The following SRRM2 variants were observed in gnomAD, a reference collection of about 807,000 sequenced individuals.
SRRM2 encodes serine/arginine repetitive matrix protein 2.
Under a neutral mutation model 213.8 loss-of-function variants are expected in SRRM2, and 30 were observed. That is an observed-to-expected ratio of 0.14 (90% confidence interval 0.10 to 0.19). SRRM2 has a LOEUF of 0.19. Among genes scored for constraint, SRRM2 ranks in the 10% least tolerant of loss-of-function variants. The probability of loss-of-function intolerance (pLI) is 1.00; values close to 1 mark genes in which losing one functional copy is unlikely to be tolerated. For synonymous variants in SRRM2, 2,025 were observed against 1,377.7 expected (o/e 1.47, Z -10.40); for missense variants, 4,904 against 3,647.0 (o/e 1.34, Z -8.88).
Position 2,766,035 on chromosome 16 carries a change from G to T in SRRM2, c.5507G>T (p.Arg1836Leu). 2 of 1,613,920 alleles carry T rather than the reference G, an allele frequency of 1.2e-6. No homozygotes were observed. Among genetic ancestry groups the T allele is most frequent in the Non-Finnish European group, 1.7e-6 (2 of 1,179,990 alleles). Reference protein sequence around the residue: ...ARQESSRTSSRRRRGRSRTPP... With the variant: ...ARQESSRTSSLRRRGRSRTPP... ...CAGGAAAGTTCCCGGACCTCCTCTC[G>T]ACGCCGAAGAGGCCGCTCTCGGACA... is the stretch of plus-strand genomic sequence containing the variant. The change falls in exon 11 of 15, where the codon CGA becomes CTA. Residue 1836 changes from arginine (R) to leucine (L), a missense_variant. Arg to Leu is a moderately radical substitution (Grantham distance 102). Transcript: ENST00000301740. The surrounding 1 kb of genome is among the most constrained non-coding windows in gnomAD (Gnocchi z 7.0).
chr16:2,769,595 G>GCCA, intron 12 of SRRM2: 1 of 630,940 alleles, frequency 1.6e-6, no homozygotes, highest in Non-Finnish European at 3.0e-6. Context: ...CTCTGGTCTG[G>GCCA]CCACCATCAT....
chr16:2,752,783 G>C lies in SRRM2; in HGVS notation c.-95G>C. 1 of 348,440 alleles carries C rather than the reference G, an allele frequency of 2.9e-6. No homozygotes were observed. The highest frequency in any genetic ancestry group is 5.8e-6 in the Non-Finnish European group (1 of 172,950). 21.6% of individuals were successfully genotyped at this position (348,440 alleles called of 1,614,324 possible). A position where few individuals can be genotyped will look rare whatever the true frequency, so the allele number is the denominator to read the frequency against. ...CGGCGGCCCCAGGCCCGAGGGACTC[G>C]GGAGCTCGAGCAGCGGCGGCGGCAA... On this transcript the variant is annotated 5_prime_UTR_variant, in exon 1 of 15. Coordinates refer to ENST00000301740, the MANE Select transcript of SRRM2 (RefSeq NM_016333.4).
chr16:2,757,607 T>G, intron 3 of SRRM2, 28 bp downstream of exon 3: 1 of 1,601,438 alleles, frequency 6.2e-7, no homozygotes, highest in South Asian at 1.1e-5. Context: ...CCTCGATGAC[T>G]CTGGACTCTA....
intron 10 of SRRM2, among the ~76,000 whole-genome samples, 153 bp from the exon 11 acceptor site, chr16:2,761,406 TTA>T (rs1483960098): frequency 6.6e-6 from 1 of 152,238 alleles, no homozygotes; most frequent in African/African-American, 2.4e-5. Context: ...CCACTGTGCT[TTA>T]TATGATTCCT....
At position 2,764,636 on chromosome 16, in the gene SRRM2, G is replaced by A; in HGVS notation, c.4108G>A (p.Asp1370Asn). Residue 1370 changes from aspartate (D) to asparagine (N), a missense_variant, in exon 11 of 15, where the codon GAC (aspartate) becomes AAC (asparagine). By Grantham distance (23) the Asp-to-Asn change is conservative (BLOSUM62 1). Coordinates refer to ENST00000301740, the MANE Select transcript of SRRM2 (RefSeq NM_016333.4). ...TCAGCTGGAAACAGATCCATCTCTAGACATGAAAGAACAATCGACAAGATC... is the reference window on the plus strand; with the variant it reads ...TCAGCTGGAAACAGATCCATCTCTAAACATGAAAGAACAATCGACAAGATC... The part of the protein sequence containing the change: ...LNQLETDPSL[D>N]MKEQSTRSSG... 2.5e-6 allele frequency: 4 copies of A among 1,614,210 alleles called. No homozygotes were observed. Among genetic ancestry groups the A allele is most frequent in the Non-Finnish European group, 3.4e-6 (4 of 1,180,050 alleles).
At chr16:2,754,731 G>A (rs1348152191) in intron 1 of SRRM2, among the ~76,000 whole-genome samples, 2 of 152,186 alleles carry the variant, frequency 1.3e-5, no homozygotes, top group Admixed American at 6.5e-5. Context: ...GGGGAGAGGC[G>A]AAGAAGGACC....
Position 2,767,732 on chromosome 16 carries a change from C to A in SRRM2, c.7204C>A (p.Leu2402Ile), listed in dbSNP as rs754776293. The A allele has an allele frequency of 6.2e-7, 1 of 1,613,864 alleles. No homozygotes were observed. ...CAGTGGCAGAACCTCACCACCGCTC[C>A]TTGACCGAGCTAGGTCCAGAACACC... ...RVSGRTSPPL[L>I]DRARSRTPPS... The change falls in exon 11 of 15, where the codon CTT becomes ATT. Residue 2402 changes from leucine (L) to isoleucine (I), a missense_variant. Transcript: ENST00000301740.
intron 2 of SRRM2, 76 bp from the exon 3 acceptor site, chr16:2,757,396 G>A: frequency 7.2e-7 from 1 of 1,390,766 alleles, no homozygotes; most frequent in East Asian, 2.3e-5. Flanking sequence ...GCCCCTTTTG[G>A]GAATGAGGGA....
intron 1 of SRRM2, among the ~76,000 whole-genome samples, chr16:2,754,045 T>C (rs1187449470): frequency 6.6e-6 from 1 of 152,348 alleles, no homozygotes; most frequent in Middle Eastern, 3.4e-3. Flanking sequence ...TACTTTTTAC[T>C]TTCTGCTTTT....
chr16:2,768,764 T>G, intron 11 of SRRM2: 6 of 794,894 alleles, frequency 7.5e-6, no homozygotes, highest in Non-Finnish European at 1.3e-5. Context: ...GGGACATTCT[T>G]GAGGTTTAAC....
Position 2,762,988 on chromosome 16 carries a change from T to A in SRRM2, c.2460T>A (p.Ser820=). ...TPPRRSRSSS[S]PPPKQKSKTP... is the part of the protein sequence containing the mutation. ...CCAGACGCAGTCGCTCCAGTTCTTC[T>A]CCGCCACCTAAACAGAAATCTAAGA... The change falls in exon 11 of 15, where the codon TCT becomes TCA. Residue 820 remains serine (S), a synonymous_variant. Coordinates refer to ENST00000301740, the MANE Select transcript of SRRM2 (RefSeq NM_016333.4). The A allele has an allele frequency of 6.2e-7, 1 of 1,614,058 alleles. No individual in the cohort carries two copies. Among genetic ancestry groups the A allele is most frequent in the African/African-American group, 1.3e-5 (1 of 74,982 alleles).
Position 2,757,476 on chromosome 16 carries a change from G to A in SRRM2, c.247G>A (p.Glu83Lys), listed in dbSNP as rs766643583. The change falls in exon 3 of 15, where the codon GAG (glutamate) becomes AAG (lysine). Residue 83 changes from glutamate to lysine, a missense_variant. Physicochemically the swap from Glu to Lys is moderately conservative, Grantham distance 56 (BLOSUM62 1). Coordinates refer to ENST00000301740, the MANE Select transcript of SRRM2 (RefSeq NM_016333.4). ...LEEMMEEQGY[E>K]EQQIQEKVAT... ...CTGAAGGGATTTGTTCTTCAGGTAC[G>A]AGGAACAGCAAATTCAGGAAAAAGT... 1.2e-5 allele frequency: 20 copies of A among 1,613,874 alleles called. No individual in the cohort carries two copies. Among genetic ancestry groups the A allele is most frequent in the Non-Finnish European group, 1.7e-5 (20 of 1,179,964 alleles).
Position 2,768,181 on chromosome 16 carries a change from GTCCTCC to G in SRRM2, c.7662_7667del (p.Ser2555_Ser2556del). 6.3e-7 allele frequency: 1 copy of G among 1,598,712 alleles called. No individual in the cohort carries two copies. Among genetic ancestry groups the G allele is most frequent in the Non-Finnish European group, 8.6e-7 (1 of 1,169,172 alleles). On this transcript the variant is annotated inframe_deletion, in exon 11 of 15. Transcript: ENST00000301740. ...CCTCTTCTTCATCATCGTCGTCGTC[GTCCTCC>G]TCCTCCTCTGGCTCCAGTTCTAGTG... is the stretch of plus-strand genomic sequence containing the variant.
At position 2,765,329 on chromosome 16, in the gene SRRM2, T is replaced by A; in HGVS notation, c.4801T>A (p.Ser1601Thr). The A allele has an allele frequency of 6.2e-7, 1 of 1,614,090 alleles. No individual in the cohort carries two copies. Among genetic ancestry groups the A allele is most frequent in the East Asian group, 2.2e-5 (1 of 44,878 alleles). Residue 1601 changes from serine (S) to threonine (T), a missense_variant, in exon 11 of 15, where the codon TCC becomes ACC. Coordinates refer to ENST00000301740, the MANE Select transcript of SRRM2 (RefSeq NM_016333.4). ...LSPRRSRSGS[S>T]PEVKDKPRAA... ...CCCTCGGCGCAGTAGGTCTGGTTCC[T>A]CCCCTGAAGTGAAAGATAAGCCAAG... is the stretch of plus-strand genomic sequence containing the variant.
At position 2,770,474 on chromosome 16, in the gene SRRM2, A is replaced by C; in HGVS notation, c.8135+9A>C. 6.2e-7 allele frequency: 1 copy of C among 1,601,136 alleles called. No individual in the cohort carries two copies. The highest frequency in any genetic ancestry group is 1.1e-5 in the South Asian group (1 of 88,884). On this transcript the variant is annotated intron_variant, in intron 13 of 14. Transcript: ENST00000301740. ...CCACGGGACCAGCAGAGGTAAGGCCAACTGCAGGTGTCAGCACCCAGCCTG... is the reference window on the plus strand; with the variant it reads ...CCACGGGACCAGCAGAGGTAAGGCCCACTGCAGGTGTCAGCACCCAGCCTG...
At chr16:2,768,416 C>A in intron 11 of SRRM2, 155 bp downstream of exon 11, 1 of 806,510 alleles carries the variant, frequency 1.2e-6, no homozygotes, top group Non-Finnish European at 1.9e-6. Flanking sequence ...AATGCTGGGG[C>A]AGGGGGCGGA....
chr16:2,769,174 CTCCTCATCTTCCTCCTCCTCGTCGTCT>C lies in SRRM2; in HGVS notation c.7917_7943del (p.Ser2640_Ser2648del). The C allele has an allele frequency of 6.2e-7, 1 of 1,610,852 alleles. No homozygotes were observed. The highest frequency in any genetic ancestry group is 8.5e-7 in the Non-Finnish European group (1 of 1,178,322). On this transcript the variant is annotated inframe_deletion, in exon 12 of 15. Transcript: ENST00000301740. ...CCTCCTCTTCCTCTTCTTCTTCTTC[CTCCTCATCTTCCTCCTCCTCGTCGTCT>C]TCCTCCCCTTCCCCTGCTAAGCCTG...
chr16:2,760,662 GTGT>G (rs1173199422), intron 10 of SRRM2, 163 bp downstream of exon 10: 13 of 729,740 alleles, frequency 1.8e-5, no homozygotes, highest in East Asian at 5.5e-5. Context: ...AGAACTTTTA[GTGT>G]TGTTACTAGA....
chr16:2,769,748 C>G (rs1189989702), intron 12 of SRRM2: 1 of 469,414 alleles, frequency 2.1e-6, no homozygotes, highest in East Asian at 6.7e-5. Context: ...CGCCCTGTGG[C>G]CTGCAGGACA....
Sources: gnomAD v4.1 joint callset for allele counts (sites outside exome capture counted in the v4.1 genomes callset) on GRCh38, gnomAD v4.1.1 for gene constraint, Gnocchi (gnomAD v3.1) non-coding constraint, MANE v1.5 for transcripts, NCBI Gene and HGNC (gene_info 2026-07-23, HGNC 2026-07-21) for gene names.